The following PELP1 variants were observed in gnomAD, a reference collection of about 807,000 sequenced individuals.
PELP1 encodes proline-, glutamic acid- and leucine-rich protein 1.
A neutral mutation model predicts 95.5 loss-of-function variants in PELP1; 32 were observed. That is an observed-to-expected ratio of 0.34 (90% CI 0.25 to 0.45). PELP1 has a LOEUF of 0.45. Ranked by LOEUF, PELP1 falls within the 20% of genes least tolerant of loss-of-function variation. PELP1 has a pLI of 1.00. For synonymous variants in PELP1, 668 were observed against 600.1 expected (o/e 1.11, Z -1.65); for missense variants, 1,358 against 1,444.8 (o/e 0.94, Z 0.97).
chr17:4,690,492 C>T (rs1597454830), intron 3 of PELP1, among the ~76,000 whole-genome samples: 2 of 152,230 alleles, frequency 1.3e-5, no homozygotes, highest in South Asian at 4.1e-4. Flanking sequence ...GAGGCTGAGG[C>T]AGGCGGATCA....
At chr17:4,691,642 A>T (rs906454) in intron 1 of PELP1, 200 bp from the exon 2 acceptor site, 1 of 584,502 alleles carries the variant, frequency 1.7e-6, no homozygotes, top group Non-Finnish European at 3.0e-6. Flanking sequence ...GCCTTTCCTC[A>T]AGTTATATTT....
chr17:4,695,667 TAAAAAAAAAAAAA>T lies in PELP1; in HGVS notation c.250-4238_250-4226del, dbSNP rs71147081. ...GGCAAAAGAGTGAGACCCTCTCTCTTAAAAAAAAAAAAAAAAAAAAAAAAAATCTGGCAGGGGG... is the reference window on the plus strand; with the variant it reads ...GGCAAAAGAGTGAGACCCTCTCTCTTAAAAAAAAAAAAATCTGGCAGGGGG... On this transcript the variant is annotated intron_variant, in intron 1 of 16. Transcript: ENST00000572293. 3.4e-4 allele frequency among the ~76,000 whole-genome samples: 21 copies of T among 62,588 alleles called. No individual in the cohort carries two copies. The East Asian group carries it at 8.5e-3, about 25-fold the overall frequency. The allele number at this position is 62,588 out of a possible 152,430, so 41.1% of individuals were successfully genotyped here. A position where few individuals can be genotyped will look rare whatever the true frequency, so the allele number is the denominator to read the frequency against.
In PELP1 at chr17:4,690,982, A is replaced by G; in HGVS notation, c.326T>C (p.Leu109Pro). 1 of 1,612,280 alleles carries G rather than the reference A, an allele frequency of 6.2e-7. No homozygotes were observed. Among genetic ancestry groups the G allele is most frequent in the Non-Finnish European group, 8.5e-7 (1 of 1,178,328 alleles). ...CCCTACCAGCAGGGACAGCAGACACAGGCCCTCAAACCTTCAAAGAAAGAA... is the reference window on the plus strand; with the variant it reads ...CCCTACCAGCAGGGACAGCAGACACGGGCCCTCAAACCTTCAAAGAAAGAA... ...LSSIKTRFEG[L>P]CLLSLLVGES... The change falls in exon 3 of 17, where the codon CTG (leucine) becomes CCG (proline). Residue 109 changes from leucine to proline, a missense_variant. By Grantham distance (98) the Leu-to-Pro change is moderately conservative. Around this residue, in one of 7 missense-constraint regions of PELP1, gnomAD observed 7 missense variants for 19.7 expected, o/e 0.36. Coordinates refer to ENST00000572293, the MANE Select transcript of PELP1 (RefSeq NM_014389.3).
chr17:4,683,373 A>G (rs1912770856), intron 3 of PELP1, among the ~76,000 whole-genome samples: 4 of 151,602 alleles, frequency 2.6e-5, no homozygotes, highest in Middle Eastern at 3.4e-3. Flanking sequence ...AGCGCCCGCC[A>G]CCACGCCTGA....
At position 4,676,963 on chromosome 17, in the gene PELP1, G is replaced by A. The variant is rs117368106; in HGVS notation, c.643-151C>T. ...AAGCCCTCTATGGGGCATCAACACC[G>A]GGCACGGACATGCTTTCATGGTAAA... On this transcript the variant is annotated intron_variant, in intron 5 of 16. Transcript: ENST00000572293. 9.2e-3 allele frequency among the ~76,000 whole-genome samples: 1,396 copies of A among 152,214 alleles called. 10 individuals are homozygous for A. Among genetic ancestry groups the A allele is most frequent in the Non-Finnish European group, 0.015 (1,044 of 68,020 alleles).
rs1470402122 is a variant in PELP1 at position 4,671,722 on chromosome 17, G to C, written c.3269C>G (p.Thr1090Arg). 1.3e-6 allele frequency: 2 copies of C among 1,544,638 alleles called. No homozygotes were observed. The highest frequency in any genetic ancestry group is 2.6e-5 in the South Asian group (2 of 78,136). The change falls in exon 16 of 17, where the codon ACA becomes AGA. Residue 1090 changes from threonine to arginine, a missense_variant. By Grantham distance (71) the Thr-to-Arg change is moderately conservative. Transcript: ENST00000572293. ...PETPAEEEMETETEAEALQEK... is the reference protein window; with the variant it reads ...PETPAEEEMERETEAEALQEK... ...CTGGAGAGCTTCGGCCTCTGTCTCT[G>C]TCTCCATCTCTTCTTCTGCAGGTGT...
At position 4,701,527 on chromosome 17, in the gene PELP1, T is replaced by C. The variant is rs543814888; in HGVS notation, c.249+2336A>G. On this transcript the variant is annotated intron_variant, in intron 1 of 16. Transcript: ENST00000572293. Reference sequence around the variant, plus strand: ...GAAGGTAAGGAGACCCGTTAGAAGATTGTTGCTATAATATACTCCAAGCTA... The same window carrying C: ...GAAGGTAAGGAGACCCGTTAGAAGACTGTTGCTATAATATACTCCAAGCTA... Among the ~76,000 whole-genome samples, 30 of 152,280 alleles carry C rather than the reference T, an allele frequency of 2.0e-4. No homozygotes were observed. In the South Asian group the frequency reaches 3.1e-3, roughly 16 times the overall value.
At position 4,670,883 on chromosome 17, in the gene PELP1, C is replaced by T; in HGVS notation, c.*556G>A. On this transcript the variant is annotated 3_prime_UTR_variant, in exon 17 of 17. Coordinates refer to ENST00000572293, the MANE Select transcript of PELP1 (RefSeq NM_014389.3). ...ACAGAGGTCATTCCCAACGTACCCA[C>T]TACGGACACCCTTTCATCTTGGGGT... 6.4e-6 allele frequency: 1 copy of T among 155,766 alleles called. No homozygotes were observed. The highest frequency in any genetic ancestry group is 1.4e-5 in the Non-Finnish European group (1 of 70,618). The allele number at this position is 155,766 out of a possible 1,614,324, so 9.6% of individuals were successfully genotyped here.
chr17:4,678,389 C>T (rs1198914236), intron 5 of PELP1, among the ~76,000 whole-genome samples: 1 of 151,984 alleles, frequency 6.6e-6, no homozygotes, highest in African/African-American at 2.4e-5. Context: ...GTGGGAGGAT[C>T]ACTTGAGCCC....
chr17:4,699,963 C>A (rs1379722022), intron 1 of PELP1, among the ~76,000 whole-genome samples: 3 of 131,118 alleles, frequency 2.3e-5, no homozygotes, highest in African/African-American at 5.8e-5. Flanking sequence ...AGTGCAGAGG[C>A]GCGATCTCGG....
chr17:4,679,601 C>G (rs1333701247), intron 5 of PELP1, among the ~76,000 whole-genome samples: 1 of 152,156 alleles, frequency 6.6e-6, no homozygotes, highest in Non-Finnish European at 1.5e-5. Context: ...AAAACCAAAC[C>G]TTTGTTCAGG....
At chr17:4,693,372 G>T (rs1913181458) in intron 1 of PELP1, among the ~76,000 whole-genome samples, 1 of 152,212 alleles carries the variant, frequency 6.6e-6, no homozygotes, top group Admixed American at 6.5e-5. Context: ...CCCCAGGCAG[G>T]TGCCTGAAAC....
rs760505004 is a variant in PELP1 at position 4,670,719 on chromosome 17, C to CA, written c.*719dup. On this transcript the variant is annotated 3_prime_UTR_variant, in exon 17 of 17. Coordinates refer to ENST00000572293, the MANE Select transcript of PELP1 (RefSeq NM_014389.3). ...TGGGCGACAGAGCAGGAGTCCATCT[C>CA]AAAAAAAAAAAGAAAAGAAAAGACA... 6.8e-3 allele frequency: 973 copies of CA among 142,816 alleles called. 24 individuals are homozygous for CA. In the East Asian group the frequency reaches 0.097, roughly 14 times the overall value. 8.8% of individuals were successfully genotyped at this position (142,816 alleles called of 1,614,324 possible). A position where few individuals can be genotyped will look rare whatever the true frequency, so the allele number is the denominator to read the frequency against.
chr17:4,682,052 T>A (rs1912710771), intron 5 of PELP1, among the ~76,000 whole-genome samples: 1 of 151,404 alleles, frequency 6.6e-6, no homozygotes, highest in Non-Finnish European at 1.5e-5. Context: ...CCCAGCTACT[T>A]GGGAGGCTGA....
Position 4,684,825 on chromosome 17 carries a change from C to CT in PELP1, c.421-1874dup, listed in dbSNP as rs2064553018. On this transcript the variant is annotated intron_variant, in intron 3 of 16. Coordinates refer to ENST00000572293, the MANE Select transcript of PELP1 (RefSeq NM_014389.3). The stretch of plus-strand genomic sequence containing the variant: ...AAGCGATTCTCCTGCCTCAGCCTCC[C>CT]TCCTAGCTGGGATTACAGGCACATG... 2.0e-5 allele frequency among the ~76,000 whole-genome samples: 3 copies of CT among 152,288 alleles called. No individual in the cohort carries two copies. In the South Asian group the frequency reaches 6.2e-4, roughly 32 times the overall value.
Position 4,673,332 on chromosome 17 carries a change from A to G in PELP1, c.1763T>C (p.Leu588Pro). 1 of 1,592,834 alleles carries G rather than the reference A, an allele frequency of 6.3e-7. No homozygotes were observed. Among genetic ancestry groups the G allele is most frequent in the Non-Finnish European group, 8.5e-7 (1 of 1,169,920 alleles). Residue 588 changes from leucine to proline, a missense_variant, in exon 15 of 17, where the codon CTG becomes CCG. By Grantham distance (98) the Leu-to-Pro change is moderately conservative. Coordinates refer to ENST00000572293, the MANE Select transcript of PELP1 (RefSeq NM_014389.3). This position sits in a 1 kb window ranked among gnomAD's most constrained non-coding sequence, Gnocchi z 5.7. ...ELYCLLLALL[L>P]APSPRCPPPL... ...AGGTGGGCAGCGAGGAGACGGGGCC[A>G]GCAGCAGCGCCAGCAGCAGGCAGTA...
chr17:4,685,117 C>T lies in PELP1; in HGVS notation c.421-2165G>A, dbSNP rs545781939. ...TCTTCTCTCCTTCCATTTCCCTTCT[C>T]CCATTCGCTTCTTATCCCGTGCCAG... On this transcript the variant is annotated intron_variant, in intron 3 of 16. Transcript: ENST00000572293. 9.2e-5 allele frequency among the ~76,000 whole-genome samples: 14 copies of T among 152,314 alleles called. No individual in the cohort carries two copies. In the South Asian group the frequency reaches 2.9e-3, roughly 32 times the overall value.
chr17:4,683,274 G>A (rs1170419313), intron 3 of PELP1, among the ~76,000 whole-genome samples: 2 of 150,424 alleles, frequency 1.3e-5, no homozygotes, highest in African/African-American at 2.5e-5. Context: ...AGGCTGGAGT[G>A]CAGTGGCGCG....
rs1285004656 is a variant in PELP1, at chr17:4,671,415, CAA to C, written c.*22_*23del. The C allele has an allele frequency of 4.9e-6, 6 of 1,229,782 alleles. No homozygotes were observed. In the East Asian group the frequency reaches 9.3e-5, roughly 19 times the overall value. 76.2% of individuals were successfully genotyped at this position (1,229,782 alleles called of 1,614,324 possible). A position where few individuals can be genotyped will look rare whatever the true frequency, so the allele number is the denominator to read the frequency against. On this transcript the variant is annotated 3_prime_UTR_variant, in exon 17 of 17. Coordinates refer to ENST00000572293, the MANE Select transcript of PELP1 (RefSeq NM_014389.3). ...TCTAAGGACATAACTTTATTGGAAA[CAA>C]AGAGTGGGGTGCAGAAGATGGCTAG...
Sources: gnomAD v4.1 joint callset for allele counts (sites outside exome capture counted in the v4.1 genomes callset) on GRCh38, gnomAD v4.1.1 for gene constraint, gnomAD v4.1.1 regional missense constraint, Gnocchi (gnomAD v3.1) non-coding constraint, MANE v1.5 for transcripts, NCBI Gene and HGNC (gene_info 2026-07-23, HGNC 2026-07-21) for gene names.